Variants in LINGO1 observed in about 807,000 individuals in gnomAD.
The protein encoded by LINGO1 is leucine rich repeat and Ig domain containing 1.
A neutral mutation model predicts 37.3 loss-of-function variants in LINGO1; 11 were observed. That is an observed-to-expected ratio of 0.29 (90% CI 0.19 to 0.49). LINGO1 has a LOEUF of 0.49. Ranked by LOEUF, LINGO1 falls within the 20% of genes least tolerant of loss-of-function variation. The pLI is 0.99. For missense variants in LINGO1, 585 were observed against 878.2 expected (o/e 0.67, Z 4.22); for synonymous variants, 387 against 403.0 (o/e 0.96, Z 0.48).
At chr15:77,669,700 G>A (rs892216730) in intron 3 of LINGO1, among the ~76,000 whole-genome samples, 2 of 152,212 alleles carry the variant, frequency 1.3e-5, no homozygotes, top group Non-Finnish European at 2.9e-5. Flanking sequence ...ATCAAGGGCT[G>A]AAAACCTAGA....
intron 1 of LINGO1, among the ~76,000 whole-genome samples, chr15:77,756,323 G>A (rs1227335770): frequency 1.3e-5 from 2 of 152,158 alleles, no homozygotes; most frequent in African/African-American, 2.4e-5. Flanking sequence ...AAAAAAGCTC[G>A]GACATTTTGA....
At chr15:77,754,943 A>G (rs1165872041) in intron 1 of LINGO1, among the ~76,000 whole-genome samples, 1 of 152,238 alleles carries the variant, frequency 6.6e-6, no homozygotes, top group Non-Finnish European at 1.5e-5. Context: ...CGCTGTTGTG[A>G]AGCTTGAGGC....
chr15:77,653,075 G>T (rs776969204), intron 3 of LINGO1, among the ~76,000 whole-genome samples: 5 of 152,206 alleles, frequency 3.3e-5, no homozygotes, highest in African/African-American at 9.6e-5. Context: ...GTGGGGACAC[G>T]GACATAGGCC....
chr15:77,772,504 G>C (rs185615665), intron 1 of LINGO1, among the ~76,000 whole-genome samples: 1 of 152,246 alleles, frequency 6.6e-6, no homozygotes, highest in East Asian at 1.9e-4. Flanking sequence ...TGAGCAGTCG[G>C]CCTCCCCAGG....
intron 1 of LINGO1, among the ~76,000 whole-genome samples, chr15:77,799,701 G>A (rs763177977): frequency 5.9e-5 from 9 of 152,222 alleles, no homozygotes; most frequent in Non-Finnish European, 1.2e-4. Flanking sequence ...GAGAACCAGT[G>A]AGCCCTGCTG....
rs369232873 is a variant in LINGO1 at position 77,808,906 on chromosome 15, G to A, written c.-458+11352C>T. 3.4e-4 allele frequency among the ~76,000 whole-genome samples: 52 copies of A among 152,262 alleles called. No homozygotes were observed. The Middle Eastern group carries it at 0.01, about 30-fold the overall frequency. On this transcript the variant is annotated intron_variant, in intron 1 of 5. Coordinates refer to the LINGO1 transcript ENST00000562933. ...CCTCAGGTGTGACTCCCCAGGCCTC[G>A]GATGGCCCATATATGCGCACTCAGG...
At chr15:77,796,308 G>A (rs931555200) in intron 1 of LINGO1, among the ~76,000 whole-genome samples, 2 of 151,870 alleles carry the variant, frequency 1.3e-5, no homozygotes, top group African/African-American at 4.9e-5. Flanking sequence ...GCGTGCGGGC[G>A]TGCACACACA....
At chr15:77,678,156 A>G (rs1216972651) in intron 2 of LINGO1, among the ~76,000 whole-genome samples, 1 of 152,244 alleles carries the variant, frequency 6.6e-6, no homozygotes, top group Non-Finnish European at 1.5e-5. Context: ...ATAGTCCCAC[A>G]GCAAACTTTT....
chr15:77,645,297 G>A (rs1238249077), intron 3 of LINGO1, among the ~76,000 whole-genome samples: 1 of 152,080 alleles, frequency 6.6e-6, no homozygotes, highest in East Asian at 1.9e-4. Flanking sequence ...CACAGCCCAA[G>A]ACGCTGGGAC....
chr15:77,650,449 C>T (rs115122762), intron 3 of LINGO1, among the ~76,000 whole-genome samples: 2 of 152,318 alleles, frequency 1.3e-5, no homozygotes, highest in Non-Finnish European at 1.5e-5. Context: ...AGCAGAGGGT[C>T]GCCATAGCAA....
upstream of LINGO1, among the ~76,000 whole-genome samples, chr15:77,700,770 C>CAGCA (rs1309920045): frequency 6.6e-6 from 1 of 152,192 alleles, no homozygotes; most frequent in African/African-American, 2.4e-5. Flanking sequence ...AAGCCAGAGC[C>CAGCA]AGCAAGGTCA....
intron 1 of LINGO1, among the ~76,000 whole-genome samples, chr15:77,691,936 G>T (rs1202099966): frequency 6.6e-6 from 1 of 152,186 alleles, no homozygotes; most frequent in Non-Finnish European, 1.5e-5. Context: ...GCATCACAGG[G>T]TCCAGATTAC....
chr15:77,713,602 T>G (rs1167980373), intron 2 of LINGO1, among the ~76,000 whole-genome samples: 1 of 151,906 alleles, frequency 6.6e-6, no homozygotes, highest in Non-Finnish European at 1.5e-5. Context: ...CACACAGGAC[T>G]ATATATAAAC....
intron 1 of LINGO1, among the ~76,000 whole-genome samples, chr15:77,691,163 C>T (rs2075596639): frequency 6.6e-6 from 1 of 152,172 alleles, no homozygotes; most frequent in African/African-American, 2.4e-5. Flanking sequence ...GATTTTTAAT[C>T]TTGTTTTATT....
At position 77,664,170 on chromosome 15, in the gene LINGO1, T is replaced by TGTGTGCGCGCGC; in HGVS notation, c.-13+12918_-13+12919insGCGCGCGCACAC. The stretch of plus-strand genomic sequence containing the variant: ...GTGTGTGTGTGTGTGTGTGTGTGTG[T>TGTGTGCGCGCGC]GCGCGCGCGCATGCGTTTGCATTCT... On this transcript the variant is annotated intron_variant, in intron 3 of 3. Coordinates refer to the LINGO1 transcript ENST00000559893. Among the ~76,000 whole-genome samples the TGTGTGCGCGCGC allele has an allele frequency of 2.2e-3, 294 of 130,964 alleles. 2 individuals are homozygous for TGTGTGCGCGCGC. Among genetic ancestry groups the TGTGTGCGCGCGC allele is most frequent in the African/African-American group, 0.01 (281 of 27,252 alleles). The allele number at this position is 130,964 out of a possible 152,430, so 85.9% of individuals were successfully genotyped here.
chr15:77,635,279 C>A (rs539007021), upstream of LINGO1, among the ~76,000 whole-genome samples: 1 of 152,330 alleles, frequency 6.6e-6, no homozygotes, highest in South Asian at 2.1e-4. Flanking sequence ...CTGTTTTATT[C>A]CAATGGAAAC....
chr15:77,632,403 CCCTCCTCCGTTT>C lies in LINGO1; in HGVS notation c.-100_-89del. ...ACCAGGCCCCAGCCCCTGCCCAGCC[CCCTCCTCCGTTT>C]CCTCCTCCTCCGACACCTCCGCCCG... On this transcript the variant is annotated 5_prime_UTR_variant, in exon 1 of 2. Transcript: ENST00000355300. This position sits in a 1 kb window ranked among gnomAD's most constrained non-coding sequence, Gnocchi z 6.0. The C allele has an allele frequency of 7.9e-7, 1 of 1,267,614 alleles. No homozygotes were observed. Among genetic ancestry groups the C allele is most frequent in the Non-Finnish European group, 1.0e-6 (1 of 999,172 alleles). 78.5% of individuals were successfully genotyped at this position (1,267,614 alleles called of 1,614,324 possible). A position where few individuals can be genotyped will look rare whatever the true frequency, so the allele number is the denominator to read the frequency against.
At chr15:77,623,428 C>T (rs988967095) in intron 1 of LINGO1, among the ~76,000 whole-genome samples, 4 of 152,220 alleles carry the variant, frequency 2.6e-5, no homozygotes, top group East Asian at 1.9e-4. Context: ...GGCTAATCCC[C>T]GCTGAGGTGT....
At chr15:77,806,107 C>T (rs1038394324) in intron 1 of LINGO1, among the ~76,000 whole-genome samples, 2 of 152,140 alleles carry the variant, frequency 1.3e-5, no homozygotes, top group African/African-American at 2.4e-5. Context: ...GTCCAGCAGC[C>T]GCCGAAGCCT....
Sources: allele counts gnomAD v4.1 joint callset (sites outside exome capture counted in the v4.1 genomes callset), GRCh38; gene constraint gnomAD v4.1.1; non-coding constraint Gnocchi (gnomAD v3.1); transcripts MANE v1.5; gene names NCBI Gene and HGNC (gene_info 2026-07-23, HGNC 2026-07-21).